The following PTPRR variants were observed in gnomAD, a reference collection of about 807,000 sequenced individuals.
The protein encoded by PTPRR is protein tyrosine phosphatase receptor type R.
In PTPRR, 38 loss-of-function variants were observed where a neutral mutation model predicts 77.2. The ratio of observed to expected loss-of-function variants is 0.49; its 90% confidence interval spans 0.38 to 0.65. The LOEUF (loss-of-function observed/expected upper bound fraction) is 0.65, where lower values mean the gene tolerates loss of function less well. Ranked by LOEUF, PTPRR falls within the 30% of genes least tolerant of loss-of-function variation. The pLI, the probability that PTPRR is intolerant of heterozygous loss-of-function variation, is 0.00. For synonymous variants in PTPRR, 299 were observed against 283.1 expected (o/e 1.06, Z -0.57); for missense variants, 744 against 799.2 (o/e 0.93, Z 0.83).
intron 2 of PTPRR, among the ~76,000 whole-genome samples, chr12:70,856,187 C>T (rs1892648328): frequency 6.6e-6 from 1 of 152,254 alleles, no homozygotes; most frequent in Non-Finnish European, 1.5e-5. Flanking sequence ...CTACACCAAG[C>T]TCTGGAAATA....
intron 2 of PTPRR, among the ~76,000 whole-genome samples, chr12:70,865,855 G>T (rs532467116): frequency 6.6e-6 from 1 of 152,092 alleles, no homozygotes; most frequent in Non-Finnish European, 1.5e-5. Context: ...CACGTATTCT[G>T]TCTAAAGAGA....
chr12:70,672,821 A>T, intron 10 of PTPRR: 1 of 1,564,228 alleles, frequency 6.4e-7, no homozygotes, highest in Non-Finnish European at 8.7e-7. Context: ...GTCCAGTGTG[A>T]AATTGAAGAA....
chr12:70,661,131 C>G (rs1886785435), intron 11 of PTPRR, 34 bp from the exon 12 acceptor site: 1 of 1,582,708 alleles, frequency 6.3e-7, no homozygotes, highest in Admixed American at 1.8e-5. Context: ...ATGCCTCATT[C>G]ACTTGTAGAA....
chr12:70,725,499 C>CCT (rs1302814818), intron 6 of PTPRR, among the ~76,000 whole-genome samples: 3 of 152,204 alleles, frequency 2.0e-5, no homozygotes, highest in Non-Finnish European at 4.4e-5. Flanking sequence ...AGTCCCCCCA[C>CCT]CTCCCCAATG....
At chr12:70,920,298 G>A (rs1893836543) in intron 1 of PTPRR, 35 bp downstream of exon 1, 1 of 1,598,886 alleles carries the variant, frequency 6.3e-7, no homozygotes. Context: ...CCCATCTCAT[G>A]CACAGCTCCG....
At chr12:70,748,115 C>G (rs899324127) in intron 5 of PTPRR, among the ~76,000 whole-genome samples, 1 of 152,060 alleles carries the variant, frequency 6.6e-6, no homozygotes, top group Non-Finnish European at 1.5e-5. Flanking sequence ...ATAGTAACTC[C>G]GAAATGTCAG....
intron 2 of PTPRR, among the ~76,000 whole-genome samples, chr12:70,800,234 C>A (rs1184020148): frequency 6.6e-6 from 1 of 151,988 alleles, no homozygotes; most frequent in Non-Finnish European, 1.5e-5. Flanking sequence ...CCTTTCCCCC[C>A]TACCCACTGC....
intron 2 of PTPRR, among the ~76,000 whole-genome samples, chr12:70,822,217 T>C (rs1892028575): frequency 6.6e-6 from 1 of 152,092 alleles, no homozygotes; most frequent in Non-Finnish European, 1.5e-5. Flanking sequence ...ACACAGAAAG[T>C]GGTATAAAAC....
In PTPRR at chr12:70,825,010, C is replaced by T. The variant is rs961740593; in HGVS notation, c.358-60232G>A. Among the ~76,000 whole-genome samples the T allele has an allele frequency of 1.4e-4, 22 of 152,260 alleles. 1 individual carries two copies. The highest frequency in any genetic ancestry group is 9.8e-4 in the Admixed American group (15 of 15,290). On this transcript the variant is annotated intron_variant, in intron 2 of 13. Transcript: ENST00000283228. Reference sequence around the variant, plus strand: ...AGTAGAAATCTTAAGTTAGGCTGGGCGCGTTGGCTCACGCCTGTAATCCCA... The same window carrying T: ...AGTAGAAATCTTAAGTTAGGCTGGGTGCGTTGGCTCACGCCTGTAATCCCA...
At chr12:70,770,250 A>C (rs1592747134) in intron 2 of PTPRR, among the ~76,000 whole-genome samples, 1 of 151,384 alleles carries the variant, frequency 6.6e-6, no homozygotes, top group East Asian at 1.9e-4. Context: ...AAATTTTCGC[A>C]ACCTACTCAT....
At chr12:70,776,736 A>G (rs1001291845) in intron 2 of PTPRR, among the ~76,000 whole-genome samples, 21 of 152,134 alleles carry the variant, frequency 1.4e-4, no homozygotes, top group African/African-American at 4.8e-4. Flanking sequence ...TAGAAGAGTT[A>G]AAGATTCCAA....
chr12:70,851,740 A>G (rs1262249181), intron 2 of PTPRR, among the ~76,000 whole-genome samples: 1 of 152,202 alleles, frequency 6.6e-6, no homozygotes, highest in East Asian at 1.9e-4. Flanking sequence ...TCTAATAAAA[A>G]ATGCCTATTG....
At chr12:70,837,140 G>A (rs1464584831) in intron 2 of PTPRR, among the ~76,000 whole-genome samples, 1 of 151,856 alleles carries the variant, frequency 6.6e-6, no homozygotes, top group Non-Finnish European at 1.5e-5. Context: ...AGAAATTGTG[G>A]GTATAAATGT....
At chr12:70,719,371 G>T (rs2136839582) in intron 6 of PTPRR, among the ~76,000 whole-genome samples, 1 of 152,112 alleles carries the variant, frequency 6.6e-6, no homozygotes, top group East Asian at 1.9e-4. Context: ...AGGCTGCCCG[G>T]CCCCATCCTT....
intron 6 of PTPRR, among the ~76,000 whole-genome samples, chr12:70,722,076 A>T (rs1472286874): frequency 6.6e-6 from 1 of 152,110 alleles, no homozygotes; most frequent in Non-Finnish European, 1.5e-5. Context: ...CCCTTTGAAA[A>T]ATCTGTCCCG....
chr12:70,809,194 C>T (rs936306099), intron 2 of PTPRR, among the ~76,000 whole-genome samples: 1 of 152,172 alleles, frequency 6.6e-6, no homozygotes, highest in Non-Finnish European at 1.5e-5. Flanking sequence ...GAAGGGAGCT[C>T]TTTGTCTCTT....
At chr12:70,807,038 T>C (rs773149405) in intron 2 of PTPRR, among the ~76,000 whole-genome samples, 10 of 152,336 alleles carry the variant, frequency 6.6e-5, no homozygotes, top group Non-Finnish European at 8.8e-5. Flanking sequence ...AGGAACTTAA[T>C]AGGAAAGCTT....
intron 1 of PTPRR, 33 bp downstream of exon 1, chr12:70,920,300 A>G (rs1893836613): frequency 1.2e-6 from 2 of 1,602,580 alleles, no homozygotes; most frequent in African/African-American, 2.7e-5. Flanking sequence ...CATCTCATGC[A>G]CAGCTCCGGC....
chr12:70,720,320 T>C (rs1477621341), intron 6 of PTPRR, among the ~76,000 whole-genome samples: 1 of 152,076 alleles, frequency 6.6e-6, no homozygotes, highest in African/African-American at 2.4e-5. Context: ...ATCATTAAAT[T>C]TGAGATGATA....
Sources: allele counts gnomAD v4.1 joint callset (sites outside exome capture counted in the v4.1 genomes callset), GRCh38; gene constraint gnomAD v4.1.1; transcripts MANE v1.5; gene names NCBI Gene and HGNC (gene_info 2026-07-23, HGNC 2026-07-21).